The following RBFOX3 variants were observed in gnomAD, a reference collection of about 807,000 sequenced individuals.
RBFOX3 encodes the protein RNA binding protein fox-1 homolog 3.
A neutral mutation model predicts 48.7 loss-of-function variants in RBFOX3; 17 were observed. That is an observed-to-expected ratio of 0.35 (90% CI 0.24 to 0.52). RBFOX3 has a LOEUF of 0.52. Ranked by LOEUF, RBFOX3 falls within the 20% of genes least tolerant of loss-of-function variation. The pLI, the probability that RBFOX3 is intolerant of heterozygous loss-of-function variation, is 0.94. For missense variants in RBFOX3, 382 were observed against 497.5 expected (o/e 0.77, Z 2.21); for synonymous variants, 212 against 209.5 (o/e 1.01, Z -0.10).
chr17:79,262,846 A>G (rs1458015569), intron 3 of RBFOX3, among the ~76,000 whole-genome samples: 1 of 152,254 alleles, frequency 6.6e-6, no homozygotes, highest in Non-Finnish European at 1.5e-5. Flanking sequence ...GGCAGCCCCA[A>G]TAGGGCGAGG....
At chr17:79,664,340 A>T in the RBFOX3 span, among the ~76,000 whole-genome samples, 1 of 145,590 alleles carries the variant, frequency 6.9e-6, no homozygotes, top group Admixed American at 6.8e-5. Context: ...ATGCCTGGCT[A>T]ATTTTTGTAT....
At chr17:79,174,806 G>A (rs756054794) in intron 4 of RBFOX3, among the ~76,000 whole-genome samples, 14 of 152,276 alleles carry the variant, frequency 9.2e-5, no homozygotes, top group African/African-American at 2.9e-4. Context: ...TGAGGAGCAG[G>A]TGACGTTTGT....
At chr17:79,130,255 G>A (rs768761725) in intron 4 of RBFOX3, among the ~76,000 whole-genome samples, 1 of 151,908 alleles carries the variant, frequency 6.6e-6, no homozygotes, top group Non-Finnish European at 1.5e-5. Context: ...CTTCCCCCCC[G>A]ACTTCTCCAC....
At chr17:79,478,332 T>C (rs552444537) in intron 2 of RBFOX3, among the ~76,000 whole-genome samples, 40 of 152,208 alleles carry the variant, frequency 2.6e-4, no homozygotes, top group Admixed American at 5.9e-4. Context: ...TGGATGAGTT[T>C]GGATAGTGTA....
intron 2 of RBFOX3, among the ~76,000 whole-genome samples, chr17:79,342,381 T>C (rs868450112): frequency 9.2e-5 from 14 of 152,226 alleles, no homozygotes; most frequent in African/African-American, 3.4e-4. Context: ...GGCTGGTGGA[T>C]GTTGGTCAGA....
the RBFOX3 span, among the ~76,000 whole-genome samples, chr17:79,662,010 A>G: frequency 6.6e-6 from 1 of 150,674 alleles, no homozygotes; most frequent in South Asian, 2.1e-4. Context: ...ATTTGTTAAT[A>G]TTTCCCCTTG....
chr17:79,217,228 C>T (rs2606190), intron 4 of RBFOX3, among the ~76,000 whole-genome samples: 11,179 of 152,304 alleles, frequency 0.073, 444 homozygotes, highest in South Asian at 0.1. Flanking sequence ...AATCATTGGC[C>T]GCAAGTTTGC....
In RBFOX3 at chr17:79,249,876, T is replaced by C. The variant is rs8071004; in HGVS notation, c.-73-14071A>G. The stretch of plus-strand genomic sequence containing the variant: ...CATTTCTGTATCTGTGTGTCTTTTT[T>C]ACCCCATTAAAACAAATTCCAGGTA... On this transcript the variant is annotated intron_variant, in intron 3 of 14. Coordinates refer to ENST00000693108, the MANE Select transcript of RBFOX3 (RefSeq NM_001350451.2). This position sits in a 1 kb window ranked among gnomAD's most constrained non-coding sequence, Gnocchi z 4.1. 0.18 allele frequency among the ~76,000 whole-genome samples: 27,119 copies of C among 152,094 alleles called. 3,085 individuals are homozygous for C. The highest frequency in any genetic ancestry group is 0.33 in the African/African-American group (13,514 of 41,446).
At chr17:79,378,815 C>G (rs1355505480) in intron 2 of RBFOX3, among the ~76,000 whole-genome samples, 1 of 152,236 alleles carries the variant, frequency 6.6e-6, no homozygotes, top group Admixed American at 6.5e-5. Context: ...CCCCGGAACC[C>G]TTTCCCCACT....
At chr17:79,404,660 C>CA (rs1422629946) in intron 2 of RBFOX3, among the ~76,000 whole-genome samples, 1 of 152,108 alleles carries the variant, frequency 6.6e-6, no homozygotes, top group Non-Finnish European at 1.5e-5. Context: ...CCTCACCACC[C>CA]CTGTGGGTCC....
chr17:79,190,304 G>T (rs546481187), intron 4 of RBFOX3, among the ~76,000 whole-genome samples: 1 of 151,984 alleles, frequency 6.6e-6, no homozygotes, highest in Non-Finnish European at 1.5e-5. Flanking sequence ...CTAGCTACTC[G>T]GGAGGCTGAG....
intron 3 of RBFOX3, among the ~76,000 whole-genome samples, chr17:79,268,812 T>C (rs1187524425): frequency 6.6e-6 from 1 of 152,104 alleles, no homozygotes; most frequent in African/African-American, 2.4e-5. Context: ...CCACCCTCTT[T>C]CCTCTTTCTC....
At chr17:79,129,395 C>T (rs1177999201) in intron 4 of RBFOX3, among the ~76,000 whole-genome samples, 1 of 144,922 alleles carries the variant, frequency 6.9e-6, no homozygotes, top group African/African-American at 2.5e-5. Flanking sequence ...GTATGGACTG[C>T]TTTCCAATCC....
At position 79,528,673 on chromosome 17, in the gene RBFOX3, A is replaced by G. The variant is rs868990749; in HGVS notation, c.-319-46075T>C. Among the ~76,000 whole-genome samples, 27 of 152,080 alleles carry G rather than the reference A, an allele frequency of 1.8e-4. 2 individuals are homozygous for G. The South Asian group carries it at 5.0e-3, about 28-fold the overall frequency. ...AGGAGAGGAGGGGATGCAGAGACAC[A>G]TGTATCGGGGAAGGCCGTGTGAAGA... On this transcript the variant is annotated intron_variant, in intron 1 of 14. Transcript: ENST00000693108.
At chr17:79,171,969 T>A (rs564279839) in intron 4 of RBFOX3, among the ~76,000 whole-genome samples, 2 of 150,490 alleles carry the variant, frequency 1.3e-5, no homozygotes, top group Non-Finnish European at 1.5e-5. Context: ...GTCAGGAGAG[T>A]TCGAGACCAG....
At chr17:79,091,371 G>T (rs1181405402) in intron 14 of RBFOX3, among the ~76,000 whole-genome samples, 1 of 152,240 alleles carries the variant, frequency 6.6e-6, no homozygotes, top group African/African-American at 2.4e-5. Flanking sequence ...TGTCATGGAG[G>T]TACAGATCTG....
rs1420141771 is a variant in RBFOX3 at position 79,201,680 on chromosome 17, C to G, written c.-34+34086G>C. 3.3e-5 allele frequency among the ~76,000 whole-genome samples: 5 copies of G among 152,204 alleles called. No individual in the cohort carries two copies. The East Asian group carries it at 9.6e-4, about 29-fold the overall frequency. Reference sequence around the variant, plus strand: ...TATCACATCTTCTGCAATCATAACACTCTTGCCCCTCGGAGGTGGCGGAGG... The same window carrying G: ...TATCACATCTTCTGCAATCATAACAGTCTTGCCCCTCGGAGGTGGCGGAGG... On this transcript the variant is annotated intron_variant, in intron 4 of 14. Coordinates refer to ENST00000693108, the MANE Select transcript of RBFOX3 (RefSeq NM_001350451.2).
At chr17:79,284,216 G>A (rs76453158) in intron 3 of RBFOX3, among the ~76,000 whole-genome samples, 3,959 of 150,968 alleles carry the variant, frequency 0.026, 109 homozygotes, top group East Asian at 0.058. Context: ...CCATGTTTCC[G>A]TGAGCATCGG....
At chr17:79,229,876 C>T (rs527590737) in intron 4 of RBFOX3, among the ~76,000 whole-genome samples, 165 of 152,328 alleles carry the variant, frequency 1.1e-3, no homozygotes, top group African/African-American at 3.7e-3. Context: ...AATAGGGACA[C>T]CATTCCTGCC....
Sources: gnomAD v4.1 joint callset for allele counts (sites outside exome capture counted in the v4.1 genomes callset) on GRCh38, gnomAD v4.1.1 for gene constraint, Gnocchi (gnomAD v3.1) non-coding constraint, MANE v1.5 for transcripts, NCBI Gene and HGNC (gene_info 2026-07-23, HGNC 2026-07-21) for gene names.